MAP2: variants seen among roughly 807,000 people sequenced by gnomAD.
The protein encoded by MAP2 is microtubule associated protein 2, also known as microtubule-associated protein 2.
In MAP2, 14 loss-of-function variants were observed where a neutral mutation model predicts 137.6. The observed-to-expected ratio is 0.10, with a 90% CI of 0.07 to 0.16. The LOEUF is 0.16. MAP2 is among the 10% of genes least tolerant of loss of function. The pLI is 1.00. For missense variants in MAP2, 2,088 were observed against 2,191.5 expected (o/e 0.95, Z 0.94); for synonymous variants, 786 against 782.3 (o/e 1.00, Z -0.08).
intron 13 of MAP2, among the ~76,000 whole-genome samples, chr2:209,719,595 C>T (rs61333809): frequency 0.1 from 15,655 of 152,058 alleles, 952 homozygotes; most frequent in East Asian, 0.23. Flanking sequence ...TTTAGGGGAA[C>T]AGGTTAATTT....
Position 209,643,637 on chromosome 2 carries a change from C to T in MAP2, c.-29-9505C>T, listed in dbSNP as rs532252055. ...CTAAGGGGTGTTTAAAGTAAATGTT[C>T]GAAAGACGATTTGAAAATGCCAGGG... On this transcript the variant is annotated intron_variant, in intron 4 of 15. Coordinates refer to ENST00000682079, the MANE Select transcript of MAP2 (RefSeq NM_001375505.1). Among the ~76,000 whole-genome samples the T allele has an allele frequency of 7.9e-5, 12 of 152,238 alleles. No individual in the cohort carries two copies. In the East Asian group the frequency reaches 9.7e-4, roughly 12 times the overall value.
chr2:209,491,816 C>CA (rs1487494600), intron 1 of MAP2, among the ~76,000 whole-genome samples: 39 of 151,572 alleles, frequency 2.6e-4, no homozygotes, highest in Admixed American at 1.6e-3. Flanking sequence ...GGCTACCAAC[C>CA]AAAAAAAACC....
At chr2:209,679,348 T>C (rs59590697) in intron 6 of MAP2, among the ~76,000 whole-genome samples, 1 of 113,240 alleles carries the variant, frequency 8.8e-6, no homozygotes, top group African/African-American at 5.1e-5. Context: ...GATAGATAGA[T>C]AGATAGATAG....
intron 1 of MAP2, among the ~76,000 whole-genome samples, chr2:209,499,874 C>T (rs537034811): frequency 6.6e-6 from 1 of 152,288 alleles, no homozygotes; most frequent in South Asian, 2.1e-4. Flanking sequence ...AGCACCAAGC[C>T]ATGAGAGCTC....
At position 209,734,031 on chromosome 2, in the gene MAP2, T is replaced by C. The variant is rs749212384; in HGVS notation, c.*3634T>C. ...TTCTTCAATGGCTGGTTGTAGTTAG[T>C]TCATGTTTTTCAATCAAATTTGCAA... On this transcript the variant is annotated 3_prime_UTR_variant, in exon 16 of 16. Coordinates refer to ENST00000682079, the MANE Select transcript of MAP2 (RefSeq NM_001375505.1). The C allele has an allele frequency of 6.6e-6, 1 of 152,596 alleles. No individual in the cohort carries two copies. The allele number at this position is 152,596 out of a possible 1,614,324, so 9.5% of individuals were successfully genotyped here.
chr2:209,675,901 ATACT>A (rs1180920276), intron 5 of MAP2, among the ~76,000 whole-genome samples: 2 of 151,914 alleles, frequency 1.3e-5, no homozygotes, highest in African/African-American at 4.8e-5. Context: ...TATATATCAA[ATACT>A]TAATAATAGA....
chr2:209,479,065 G>A (rs1325947093), intron 1 of MAP2, among the ~76,000 whole-genome samples: 1 of 152,140 alleles, frequency 6.6e-6, no homozygotes, highest in Non-Finnish European at 1.5e-5. Context: ...TTTCTAATGT[G>A]TTAGCCTATG....
intron 3 of MAP2, among the ~76,000 whole-genome samples, chr2:209,620,865 A>C (rs1003346150): frequency 1.3e-5 from 2 of 152,136 alleles, no homozygotes; most frequent in Non-Finnish European, 2.9e-5. Context: ...TGAATAGCTT[A>C]ATGCTAGTCA....
At chr2:209,586,415 GA>G (rs1384712269) in intron 3 of MAP2, among the ~76,000 whole-genome samples, 1 of 152,064 alleles carries the variant, frequency 6.6e-6, no homozygotes, top group Non-Finnish European at 1.5e-5. Flanking sequence ...AAGTGGTAAA[GA>G]AAAAATATGA....
At chr2:209,663,816 G>A (rs189484056) in intron 5 of MAP2, among the ~76,000 whole-genome samples, 4 of 152,292 alleles carry the variant, frequency 2.6e-5, no homozygotes, top group Admixed American at 2.0e-4. Context: ...TCAGTCCTCC[G>A]ATTGGTCTAA....
intron 5 of MAP2, among the ~76,000 whole-genome samples, chr2:209,676,318 G>T (rs761081366): frequency 6.6e-6 from 1 of 151,792 alleles, no homozygotes; most frequent in African/African-American, 2.4e-5. Flanking sequence ...ATTATAAGTG[G>T]GAGCTAAATG....
intron 1 of MAP2, among the ~76,000 whole-genome samples, chr2:209,454,758 T>C (rs903147077): frequency 6.6e-6 from 1 of 152,208 alleles, no homozygotes; most frequent in Admixed American, 6.5e-5. Context: ...AACAAATATT[T>C]GTGTACTAGA....
chr2:209,711,967 A>C (rs1351524535), intron 13 of MAP2, among the ~76,000 whole-genome samples: 1 of 152,172 alleles, frequency 6.6e-6, no homozygotes, highest in African/African-American at 2.4e-5. Context: ...TTAGAATCAC[A>C]AGAAAATACA....
intron 2 of MAP2, among the ~76,000 whole-genome samples, chr2:209,517,704 T>C (rs1460091195): frequency 6.6e-6 from 1 of 151,920 alleles, no homozygotes; most frequent in Non-Finnish European, 1.5e-5. Flanking sequence ...AACTAGGACA[T>C]AGAAATCCTA....
intron 3 of MAP2, among the ~76,000 whole-genome samples, chr2:209,588,970 G>A (rs1443899097): frequency 6.6e-6 from 1 of 152,090 alleles, no homozygotes; most frequent in African/African-American, 2.4e-5. Flanking sequence ...CTTTTCCTCT[G>A]TAGGAAAGTG....
intron 1 of MAP2, among the ~76,000 whole-genome samples, chr2:209,487,722 C>T (rs2058562444): frequency 6.6e-6 from 1 of 152,210 alleles, no homozygotes. Context: ...AGATTCATCA[C>T]TCAACTCTCT....
In MAP2 at chr2:209,680,734, A is replaced by G. The variant is rs2054216546; in HGVS notation, c.377-16A>G. 3.1e-6 allele frequency: 5 copies of G among 1,609,292 alleles called. No homozygotes were observed. Among genetic ancestry groups the G allele is most frequent in the Non-Finnish European group, 2.6e-6 (3 of 1,175,794 alleles). ...ATTAATTATTGCATCTCATTTTTCT[A>G]TTGTTTGATCTTTAGCAGCTGAAGA... On this transcript the variant is annotated splice_polypyrimidine_tract_variant and intron_variant, in intron 6 of 15. Transcript: ENST00000682079.
At position 209,694,736 on chromosome 2, in the gene MAP2, G is replaced by T; in HGVS notation, c.2566G>T (p.Val856Phe). The change falls in exon 8 of 16, where the codon GTC becomes TTC. Residue 856 changes from valine to phenylalanine, a missense_variant. Coordinates refer to ENST00000682079, the MANE Select transcript of MAP2 (RefSeq NM_001375505.1). ...GLPPVTDENHVIVKTDSQLED... is the reference protein window; with the variant it reads ...GLPPVTDENHFIVKTDSQLED... ...GCCCCCGGTAACTGATGAAAACCAT[G>T]TCATTGTAAAAACGGACAGTCAGCT... is the stretch of plus-strand genomic sequence containing the variant. 1 of 1,614,144 alleles carries T rather than the reference G, an allele frequency of 6.2e-7. No individual in the cohort carries two copies. Among genetic ancestry groups the T allele is most frequent in the Non-Finnish European group, 8.5e-7 (1 of 1,180,026 alleles).
At chr2:209,509,411 A>G (rs2061464041) in intron 2 of MAP2, among the ~76,000 whole-genome samples, 1 of 151,950 alleles carries the variant, frequency 6.6e-6, no homozygotes, top group African/African-American at 2.4e-5. Context: ...ACGTGTACAT[A>G]TAAATGGAAA....
Sources: allele counts gnomAD v4.1 joint callset (sites outside exome capture counted in the v4.1 genomes callset), GRCh38; gene constraint gnomAD v4.1.1; transcripts MANE v1.5; gene names NCBI Gene and HGNC (gene_info 2026-07-23, HGNC 2026-07-21).